COQ7: variants seen among roughly 807,000 people sequenced by gnomAD.
COQ7 encodes the protein NADPH-dependent 3-demethoxyubiquinone 3-hydroxylase, mitochondrial.
In COQ7, 21 loss-of-function variants were observed where a neutral mutation model predicts 25.0. The ratio of observed to expected loss-of-function variants is 0.84; its 90% CI spans 0.60 to 1.21. COQ7 has a LOEUF of 1.21. COQ7 is among the 50% of genes most tolerant of loss of function. COQ7 has a pLI of 0.00. For missense variants in COQ7, 311 were observed against 296.2 expected, an observed-to-expected ratio of 1.05 and a Z score of -0.37; for synonymous variants, 125 against 112.4, an observed-to-expected ratio of 1.11 and a Z score of -0.71.
intron 1 of COQ7, chr16:19,068,901 C>G: frequency 3.2e-6 from 1 of 310,518 alleles, no homozygotes; most frequent in African/African-American, 4.7e-5. Context: ...TAAAAAAAAA[C>G]AAACAAATTA....
At chr16:19,068,509 A>T (rs754259966) in intron 1 of COQ7, 1 of 486,750 alleles carries the variant, frequency 2.1e-6, no homozygotes, top group Non-Finnish European at 2.7e-6. Context: ...AAAATTTGCC[A>T]GGCGTGATGG....
rs60523088 is a variant in COQ7, at chr16:19,077,590, C to CTTTTTTTTTTTTTT, written c.576+217_576+230dup. On this transcript the variant is annotated intron_variant, in intron 5 of 5. Coordinates refer to ENST00000321998, the MANE Select transcript of COQ7 (RefSeq NM_016138.5). Reference sequence around the variant, plus strand: ...TATGCCTTCTCCTTTTCCCCAGAAGCTTTTTTTTTTTTTTCCCAGACACAG... The same window carrying CTTTTTTTTTTTTTT: ...TATGCCTTCTCCTTTTCCCCAGAAGCTTTTTTTTTTTTTTTTTTTTTTTTTTTTCCCAGACACAG... 5.8e-3 allele frequency among the ~76,000 whole-genome samples: 435 copies of CTTTTTTTTTTTTTT among 74,382 alleles called. 128 individuals are homozygous for CTTTTTTTTTTTTTT. The highest frequency in any genetic ancestry group is 0.016 in the South Asian group (28 of 1,802). 48.8% of individuals were successfully genotyped at this position (74,382 alleles called of 152,430 possible). A position where few individuals can be genotyped will look rare whatever the true frequency, so the allele number is the denominator to read the frequency against.
rs754900287 is a variant in COQ7, at chr16:19,074,040, G to A, written c.367+5G>A. The A allele has an allele frequency of 7.5e-6, 12 of 1,606,874 alleles. No homozygotes were observed. Among genetic ancestry groups the A allele is most frequent in the Admixed American group, 3.4e-5 (2 of 59,514 alleles). ...ACGTGCTGGGGTTTGCACTGGGTAC[G>A]TGTCTCTCTAGAAGAGCTTATGCAA... is the stretch of plus-strand genomic sequence containing the variant. On this transcript the variant is annotated splice_donor_5th_base_variant and intron_variant, in intron 3 of 5. Transcript: ENST00000321998.
At chr16:19,072,224 G>C (rs1596824208) in intron 2 of COQ7, 118 bp downstream of exon 2, 1 of 1,302,910 alleles carries the variant, frequency 7.7e-7, no homozygotes, top group Non-Finnish European at 1.1e-6. Flanking sequence ...GTCTCCAGGA[G>C]AGCGAAGGTT....
intron 1 of COQ7, among the ~76,000 whole-genome samples, chr16:19,071,539 C>T (rs1400872771): frequency 6.6e-6 from 1 of 152,230 alleles, no homozygotes; most frequent in Non-Finnish European, 1.5e-5. Flanking sequence ...GAGCCCCCTC[C>T]CAGAGATTGA....
At chr16:19,073,325 C>CCG (rs1555522098) in intron 2 of COQ7, among the ~76,000 whole-genome samples, 2 of 123,416 alleles carry the variant, frequency 1.6e-5, no homozygotes, top group South Asian at 2.3e-4. Flanking sequence ...ACAAAAAAAA[C>CCG]CGCACACACA....
intron 2 of COQ7, 32 bp from the exon 3 acceptor site, chr16:19,073,889 C>T: frequency 6.4e-7 from 1 of 1,554,760 alleles, no homozygotes; most frequent in Middle Eastern, 1.7e-4. Flanking sequence ...CTATGGAATG[C>T]TTGCATGTCT....
chr16:19,067,895 G>C, intron 1 of COQ7, 158 bp downstream of exon 1: 3 of 1,495,114 alleles, frequency 2.0e-6, no homozygotes, highest in Non-Finnish European at 2.6e-6. Context: ...GGGCGCTGGC[G>C]GGCGGGGCGG....
In COQ7 at chr16:19,080,035, G is replaced by T. The variant is rs1265628749; in HGVS notation, c.*1877G>T. 6.6e-6 allele frequency: 1 copy of T among 152,190 alleles called. No individual in the cohort carries two copies. Among genetic ancestry groups the T allele is most frequent in the East Asian group, 1.9e-4 (1 of 5,196 alleles). 9.4% of individuals were successfully genotyped at this position (152,190 alleles called of 1,614,324 possible). On this transcript the variant is annotated 3_prime_UTR_variant, in exon 6 of 6. Transcript: ENST00000321998. ...GAACACGTTGATTAAATTCAAAAGG[G>T]TATTATTTGGTTTTTCTGTAAATTG... is the stretch of plus-strand genomic sequence containing the variant.
At chr16:19,074,180 C>CT in intron 3 of COQ7, 145 bp downstream of exon 3, 1 of 553,852 alleles carries the variant, frequency 1.8e-6, no homozygotes, top group Non-Finnish European at 3.2e-6. Context: ...AATTGACTGC[C>CT]TTTTTTTGTG....
Position 19,067,671 on chromosome 16 carries a change from T to C in COQ7, c.7T>C (p.Cys3Arg). The C allele has an allele frequency of 1.9e-6, 3 of 1,612,942 alleles. No homozygotes were observed. The highest frequency in any genetic ancestry group is 2.5e-6 in the Non-Finnish European group (3 of 1,179,482). The change falls in exon 1 of 6, where the codon TGC becomes CGC. Residue 3 changes from cysteine (C) to arginine (R), a missense_variant. Transcript: ENST00000321998. ...GCTTTTTTTAGTTCCGGCAATGAGT[T>C]GCGCCGGGGCGGCGGCGGCTCCCCG... MS[C>R]AGAAAAPRLW...
chr16:19,072,891 C>T (rs1962634773), intron 2 of COQ7, among the ~76,000 whole-genome samples: 1 of 152,222 alleles, frequency 6.6e-6, no homozygotes, highest in Admixed American at 6.5e-5. Context: ...ATATTCAGGG[C>T]CGGGTGTGGT....
At position 19,067,720 on chromosome 16, in the gene COQ7, C is replaced by G; in HGVS notation, c.56C>G (p.Ala19Gly). 6.2e-7 allele frequency: 1 copy of G among 1,605,270 alleles called. No individual in the cohort carries two copies. Among genetic ancestry groups the G allele is most frequent in the Non-Finnish European group, 8.5e-7 (1 of 1,177,956 alleles). ...CGCCTTTGGCGGCTGCGCCCGGGGG[C>G]CCGGCGGTCCCTCTCAGGTAAAAGG... is the stretch of plus-strand genomic sequence containing the variant. ...APRLWRLRPG[A>G]RRSLSAYGRR... The change falls in exon 1 of 6, where the codon GCC (alanine) becomes GGC (glycine). Residue 19 changes from alanine to glycine, a missense_variant. Physicochemically the swap from Ala to Gly is moderately conservative, Grantham distance 60. Transcript: ENST00000321998.
Position 19,071,933 on chromosome 16 carries a change from G to A in COQ7, c.79G>A (p.Gly27Arg). Residue 27 changes from glycine to arginine, a missense_variant, in exon 2 of 6, where the codon GGA becomes AGA. Gly to Arg is a moderately radical substitution (Grantham distance 125, BLOSUM62 -2). Coordinates refer to ENST00000321998, the MANE Select transcript of COQ7 (RefSeq NM_016138.5). ...AATAAACACTTGCATTTCAGCTTAT[G>A]GAAGAAGAACCAGTGTCAGATTTCG... is the stretch of plus-strand genomic sequence containing the variant. Reference protein sequence around the residue: ...PGARRSLSAYGRRTSVRFRSS... With the variant: ...PGARRSLSAYRRRTSVRFRSS... 6.2e-7 allele frequency: 1 copy of A among 1,614,188 alleles called. No individual in the cohort carries two copies. Among genetic ancestry groups the A allele is most frequent in the Non-Finnish European group, 8.5e-7 (1 of 1,180,014 alleles).
downstream of COQ7, among the ~76,000 whole-genome samples, chr16:19,080,837 A>G (rs1963085057): frequency 6.6e-6 from 1 of 152,190 alleles, no homozygotes; most frequent in East Asian, 1.9e-4. Flanking sequence ...CTGTCTAAAG[A>G]CATCTTGTGA....
intron 1 of COQ7, chr16:19,069,003 A>G: frequency 2.9e-6 from 1 of 339,674 alleles, no homozygotes; most frequent in Non-Finnish European, 5.9e-6. Flanking sequence ...ACCAGCTGTA[A>G]ATGGAGTTAT....
intron 1 of COQ7, 81 bp from the exon 2 acceptor site, chr16:19,071,847 C>T: frequency 2.0e-6 from 3 of 1,537,238 alleles, no homozygotes; most frequent in Admixed American, 3.4e-5. Context: ...ACCTCCATCC[C>T]AAAGTGCCCT....
chr16:19,077,590 C>CTTTTTTTTTTTTTTTTTTTTT lies in COQ7; in HGVS notation c.576+230_576+231insTTTTTTTTTTTTTTTTTTTTT, dbSNP rs60523088. Among the ~76,000 whole-genome samples the CTTTTTTTTTTTTTTTTTTTTT allele has an allele frequency of 9.9e-4, 74 of 74,402 alleles. 24 individuals are homozygous for CTTTTTTTTTTTTTTTTTTTTT. Among genetic ancestry groups the CTTTTTTTTTTTTTTTTTTTTT allele is most frequent in the Admixed American group, 1.8e-3 (8 of 4,548 alleles). The allele number at this position is 74,402 out of a possible 152,430, so 48.8% of individuals were successfully genotyped here. On this transcript the variant is annotated intron_variant, in intron 5 of 5. Coordinates refer to ENST00000321998, the MANE Select transcript of COQ7 (RefSeq NM_016138.5). ...TATGCCTTCTCCTTTTCCCCAGAAG[C>CTTTTTTTTTTTTTTTTTTTTT]TTTTTTTTTTTTTTCCCAGACACAG...
rs1248919238 is a variant in COQ7 at position 19,078,879 on chromosome 16, C to G, written c.*721C>G. On this transcript the variant is annotated 3_prime_UTR_variant, in exon 6 of 6. Transcript: ENST00000321998. Reference sequence around the variant, plus strand: ...ATGAGAGTATTTGAGATTGGCCAAGCAGAACTATGAAGTCCATCAAGTAAG... The same window carrying G: ...ATGAGAGTATTTGAGATTGGCCAAGGAGAACTATGAAGTCCATCAAGTAAG... 6.6e-6 allele frequency: 1 copy of G among 152,112 alleles called. No homozygotes were observed. The highest frequency in any genetic ancestry group is 1.5e-5 in the Non-Finnish European group (1 of 68,026). 9.4% of individuals were successfully genotyped at this position (152,112 alleles called of 1,614,324 possible).
Sources: allele counts gnomAD v4.1 joint callset (sites outside exome capture counted in the v4.1 genomes callset), GRCh38; gene constraint gnomAD v4.1.1; transcripts MANE v1.5; gene names NCBI Gene and HGNC (gene_info 2026-07-23, HGNC 2026-07-21).